The following TCF20 variants were observed in gnomAD, a reference collection of about 807,000 sequenced individuals.
TCF20 encodes the protein SPRE-binding protein.
TCF20 carries 3 observed loss-of-function variants against 148.6 expected under a neutral mutation model. The ratio of observed to expected loss-of-function variants is 0.02; its 90% CI spans 0.01 to 0.05. The LOEUF (loss-of-function observed/expected upper bound fraction) is 0.05, where lower values mean the gene tolerates loss of function less well. Ranked by LOEUF, TCF20 falls within the 10% of genes least tolerant of loss-of-function variation. TCF20 has a pLI of 1.00. For missense variants in TCF20, 2,350 were observed against 2,429.3 expected, an observed-to-expected ratio of 0.97 and a Z score of 0.69; for synonymous variants, 1,049 against 909.5, an observed-to-expected ratio of 1.15 and a Z score of -2.76.
At chr22:42,192,951 T>C (rs1937410134) in intron 2 of TCF20, among the ~76,000 whole-genome samples, 1 of 152,176 alleles carries the variant, frequency 6.6e-6, no homozygotes. Context: ...GGTCCTAAGC[T>C]TGAGTTAAAA....
At chr22:42,309,068 A>G (rs1316548171) in intron 1 of TCF20, among the ~76,000 whole-genome samples, 1 of 152,068 alleles carries the variant, frequency 6.6e-6, no homozygotes, top group Non-Finnish European at 1.5e-5. Flanking sequence ...GGGGAGGCTG[A>G]GAGAAGCATG....
upstream of TCF20, among the ~76,000 whole-genome samples, chr22:42,272,562 A>G (rs771543422): frequency 1.3e-5 from 2 of 152,198 alleles, no homozygotes; most frequent in African/African-American, 4.8e-5. Context: ...ATGCAGACAG[A>G]TAACTGGAGT....
At chr22:42,187,073 C>G (rs1056309758) in intron 2 of TCF20, among the ~76,000 whole-genome samples, 1 of 152,164 alleles carries the variant, frequency 6.6e-6, no homozygotes, top group Non-Finnish European at 1.5e-5. Context: ...CCAGGTGCTC[C>G]TAGCCATACT....
chr22:42,163,075 C>A (rs1486601847), intron 5 of TCF20, among the ~76,000 whole-genome samples: 1 of 152,166 alleles, frequency 6.6e-6, no homozygotes, highest in Non-Finnish European at 1.5e-5. Flanking sequence ...CCACACGTAC[C>A]CTGCCAGGCT....
intron 1 of TCF20, among the ~76,000 whole-genome samples, chr22:42,243,310 A>AAAAAAAAAAAAACAAAAAC (rs1569180401): frequency 7.1e-6 from 1 of 140,864 alleles, no homozygotes; most frequent in African/African-American, 3.0e-5. Flanking sequence ...AAAAAAAAAA[A>AAAAAAAAAAAAACAAAAAC]AAAAAAAAAA....
At chr22:42,205,283 G>GGGAAGGGAAAAAGGAAGGGAAAAA (rs145790507) in intron 2 of TCF20, among the ~76,000 whole-genome samples, 6,073 of 151,446 alleles carry the variant, frequency 0.04, 324 homozygotes, top group East Asian at 0.3. Flanking sequence ...CCACACTTGT[G>GGGAAGGGAAAAAGGAAGGGAAAAA]GGAAGGGAAA....
chr22:42,333,205 G>A (rs1390908916), intron 1 of TCF20, among the ~76,000 whole-genome samples: 2 of 152,202 alleles, frequency 1.3e-5, no homozygotes, highest in Admixed American at 6.5e-5. Flanking sequence ...GCAGTGGCAG[G>A]AGCTGCCTCG....
At chr22:42,185,824 C>T (rs1937019168) in intron 2 of TCF20, among the ~76,000 whole-genome samples, 1 of 152,180 alleles carries the variant, frequency 6.6e-6, no homozygotes, top group Non-Finnish European at 1.5e-5. Context: ...GCTGGAGAAC[C>T]TTTAACTTGC....
chr22:42,241,625 A>C (rs183800641), intron 1 of TCF20, among the ~76,000 whole-genome samples: 2 of 152,238 alleles, frequency 1.3e-5, no homozygotes, highest in Non-Finnish European at 2.9e-5. Flanking sequence ...CCAGGAGTTG[A>C]AGACCAGCTT....
At chr22:42,237,472 T>C (rs950703685) in intron 1 of TCF20, among the ~76,000 whole-genome samples, 7 of 152,208 alleles carry the variant, frequency 4.6e-5, no homozygotes, top group African/African-American at 1.7e-4. Context: ...AAGTCATCCA[T>C]GAGGGCTGGA....
intron 1 of TCF20, among the ~76,000 whole-genome samples, chr22:42,233,202 G>A (rs188856801): frequency 7.0e-4 from 107 of 152,174 alleles, no homozygotes; most frequent in Non-Finnish European, 1.0e-3. Flanking sequence ...GATTACAGGT[G>A]TGAGCCATCA....
intron 2 of TCF20, among the ~76,000 whole-genome samples, chr22:42,209,066 G>C (rs985926597): frequency 6.6e-6 from 1 of 152,210 alleles, no homozygotes; most frequent in Non-Finnish European, 1.5e-5. Flanking sequence ...AAGAACGACT[G>C]CAAGACAGTG....
At chr22:42,278,610 G>C (rs1309709924) in intron 1 of TCF20, 1 of 152,242 alleles carries the variant, frequency 6.6e-6, no homozygotes, top group Non-Finnish European at 1.5e-5. Flanking sequence ...GAGGCTGCCT[G>C]GGTTTGGCGC....
At chr22:42,271,829 G>A (rs910038592), upstream of TCF20, among the ~76,000 whole-genome samples, 12 of 152,232 alleles carry the variant, frequency 7.9e-5, no homozygotes, top group African/African-American at 2.9e-4. Context: ...GGTGGGGATT[G>A]TCAGGAACCA....
intron 3 of TCF20, among the ~76,000 whole-genome samples, chr22:42,178,585 C>CTTTTT (rs71184870): frequency 5.1e-5 from 4 of 78,420 alleles, no homozygotes; most frequent in Admixed American, 1.6e-4. Flanking sequence ...ACAAATAATT[C>CTTTTT]TTTTTTTTTT....
intron 1 of TCF20, among the ~76,000 whole-genome samples, chr22:42,252,753 TTA>T (rs1925484653): frequency 6.6e-6 from 1 of 152,096 alleles, no homozygotes; most frequent in Non-Finnish European, 1.5e-5. Context: ...TGCCCAGCCT[TTA>T]AAAGCTTTTT....
Position 42,255,488 on chromosome 22 carries a change from AAAC to A in TCF20, c.-37+14848_-37+14850del, listed in dbSNP as rs71746301. Among the ~76,000 whole-genome samples the A allele has an allele frequency of 6.1e-3, 180 of 29,306 alleles. 3 individuals are homozygous for A. Among genetic ancestry groups the A allele is most frequent in the Middle Eastern group, 0.038 (2 of 52 alleles). The allele number at this position is 29,306 out of a possible 152,430, so 19.2% of individuals were successfully genotyped here. ...TGGCAACAGAGTGAGACTTCATCTC[AAAC>A]AACAACAACAACAACAACAACAACA... is the stretch of plus-strand genomic sequence containing the variant. On this transcript the variant is annotated intron_variant, in intron 1 of 5. Coordinates refer to ENST00000677622, the MANE Select transcript of TCF20 (RefSeq NM_001378418.1).
intron 1 of TCF20, among the ~76,000 whole-genome samples, chr22:42,223,464 A>AT (rs1427619582): frequency 6.6e-6 from 1 of 152,250 alleles, no homozygotes; most frequent in Non-Finnish European, 1.5e-5. Flanking sequence ...GCTATCAATT[A>AT]TTGCCATGCC....
At chr22:42,275,136 T>C (rs893253455), upstream of TCF20, 2 of 152,222 alleles carry the variant, frequency 1.3e-5, no homozygotes, top group African/African-American at 2.4e-5. Context: ...AAGACAGAGA[T>C]GGACCTAGAC....
Sources: gnomAD v4.1 joint callset for allele counts (sites outside exome capture counted in the v4.1 genomes callset) on GRCh38, gnomAD v4.1.1 for gene constraint, MANE v1.5 for transcripts, NCBI Gene and HGNC (gene_info 2026-07-23, HGNC 2026-07-21) for gene names.